The following TBX19 variants were observed in gnomAD, a reference collection of about 807,000 sequenced individuals.
The protein encoded by TBX19 is T-box transcription factor TBX19.
Under a neutral mutation model 40.9 loss-of-function variants are expected in TBX19, and 33 were observed. That is an observed-to-expected ratio of 0.81 (90% CI 0.61 to 1.08). The LOEUF is 1.08. Among genes scored for constraint, TBX19 ranks in the 50% least tolerant of loss-of-function variants. The pLI is 0.00. For missense variants in TBX19, 494 were observed against 574.0 expected, an observed-to-expected ratio of 0.86 and a Z score of 1.42; for synonymous variants, 220 against 225.0, an observed-to-expected ratio of 0.98 and a Z score of 0.20.
intron 1 of TBX19, among the ~76,000 whole-genome samples, chr1:168,282,884 A>G (rs943922919): frequency 1.3e-5 from 2 of 152,256 alleles, no homozygotes; most frequent in Non-Finnish European, 2.9e-5. Flanking sequence ...CCAAGTCAAT[A>G]TATGGTTCAT....
chr1:168,306,626 CAAAAA>C (rs56042823), intron 6 of TBX19, among the ~76,000 whole-genome samples: 1 of 75,292 alleles, frequency 1.3e-5, no homozygotes, highest in Non-Finnish European at 2.4e-5. Context: ...GACGCCATCT[CAAAAA>C]AAAAAAAAAA....
intron 5 of TBX19, among the ~76,000 whole-genome samples, chr1:168,301,528 C>G (rs569333397): frequency 6.6e-6 from 1 of 152,058 alleles, no homozygotes. Context: ...CCCAAAGTGC[C>G]GGGATTACAG....
chr1:168,289,691 C>T (rs1225503351), intron 1 of TBX19, among the ~76,000 whole-genome samples: 1 of 152,186 alleles, frequency 6.6e-6, no homozygotes, highest in African/African-American at 2.4e-5. Context: ...AGTGCTTATT[C>T]CCATGCCTGG....
intron 3 of TBX19, among the ~76,000 whole-genome samples, chr1:168,297,380 T>C (rs566238474): frequency 7.2e-5 from 11 of 152,314 alleles, no homozygotes; most frequent in Middle Eastern, 3.4e-3. Context: ...AATAAATACA[T>C]GAGTAAAAAA....
chr1:168,291,078 T>G, intron 1 of TBX19, 82 bp from the exon 2 acceptor site: 1 of 1,593,456 alleles, frequency 6.3e-7, no homozygotes, highest in Non-Finnish European at 8.6e-7. Flanking sequence ...CCGTGGAAGG[T>G]CTCAGTATTG....
chr1:168,285,261 TCACACACACACACACACACA>T (rs36217752), intron 1 of TBX19, among the ~76,000 whole-genome samples: 7 of 148,170 alleles, frequency 4.7e-5, no homozygotes, highest in East Asian at 2.0e-4. Flanking sequence ...ACCATGTATG[TCACACACACACACACACACA>T]CACACACACA....
intron 2 of TBX19, among the ~76,000 whole-genome samples, chr1:168,292,045 G>GT (rs1048666014): frequency 3.3e-5 from 5 of 152,272 alleles, no homozygotes; most frequent in Admixed American, 3.3e-4. Flanking sequence ...AAGGTTGCTA[G>GT]TTACTTTCTG....
At chr1:168,300,556 CTT>C (rs1330453851) in intron 5 of TBX19, 73 bp downstream of exon 5, 19 of 1,405,050 alleles carry the variant, frequency 1.4e-5, no homozygotes, top group Non-Finnish European at 1.8e-5. Context: ...CACTCAGACT[CTT>C]TGCCTGTCAG....
At chr1:168,307,373 A>G (rs1359752242) in intron 6 of TBX19, among the ~76,000 whole-genome samples, 1 of 152,140 alleles carries the variant, frequency 6.6e-6, no homozygotes, top group Non-Finnish European at 1.5e-5. Flanking sequence ...TGCGAAAGGC[A>G]TCACATGGAT....
At chr1:168,307,079 G>GA (rs1434802311) in intron 6 of TBX19, among the ~76,000 whole-genome samples, 1 of 152,140 alleles carries the variant, frequency 6.6e-6, no homozygotes, top group Non-Finnish European at 1.5e-5. Flanking sequence ...ACAGAAAGGG[G>GA]AAAGACCCTA....
chr1:168,290,074 ATCCCAGCTAC>A, intron 1 of TBX19, among the ~76,000 whole-genome samples: 1 of 152,218 alleles, frequency 6.6e-6, no homozygotes, highest in South Asian at 2.1e-4. Context: ...CACATCTGTA[ATCCCAGCTAC>A]TCTCCTGGAG....
chr1:168,295,164 G>A (rs1323272234), intron 3 of TBX19, among the ~76,000 whole-genome samples: 3 of 151,874 alleles, frequency 2.0e-5, no homozygotes, highest in Non-Finnish European at 2.9e-5. Context: ...AGTGGCGGGT[G>A]CCTGTAATCC....
chr1:168,307,034 G>A (rs1649420229), intron 6 of TBX19, among the ~76,000 whole-genome samples: 1 of 152,170 alleles, frequency 6.6e-6, no homozygotes, highest in Non-Finnish European at 1.5e-5. Context: ...GAGGTGCAGG[G>A]CATTCCAGGT....
At chr1:168,306,626 C>CAAAAAAAAA (rs56042823) in intron 6 of TBX19, among the ~76,000 whole-genome samples, 2 of 75,290 alleles carry the variant, frequency 2.7e-5, no homozygotes, top group African/African-American at 1.1e-4. Flanking sequence ...GACGCCATCT[C>CAAAAAAAAA]AAAAAAAAAA....
chr1:168,293,939 A>C (rs1458060744), intron 3 of TBX19, among the ~76,000 whole-genome samples: 1 of 152,154 alleles, frequency 6.6e-6, no homozygotes, highest in Non-Finnish European at 1.5e-5. Context: ...TTATTTATTT[A>C]AAAACACATA....
chr1:168,305,990 A>G (rs1039442912), intron 6 of TBX19, among the ~76,000 whole-genome samples: 34 of 152,246 alleles, frequency 2.2e-4, no homozygotes, highest in African/African-American at 4.8e-5. Context: ...CTATACTAAT[A>G]TGAAAAGATT....
chr1:168,303,946 G>A (rs935223572), intron 5 of TBX19, among the ~76,000 whole-genome samples: 4 of 152,084 alleles, frequency 2.6e-5, no homozygotes, highest in South Asian at 2.1e-4. Flanking sequence ...GGTTTTGGCC[G>A]GCTTATTTAC....
intron 3 of TBX19, among the ~76,000 whole-genome samples, chr1:168,297,334 A>G (rs937313814): frequency 6.6e-6 from 1 of 152,266 alleles, no homozygotes; most frequent in Non-Finnish European, 1.5e-5. Flanking sequence ...AGAAAAGTAA[A>G]TCACATGTAG....
intron 5 of TBX19, among the ~76,000 whole-genome samples, chr1:168,303,691 T>C (rs1373827297): frequency 6.6e-6 from 1 of 152,220 alleles, no homozygotes; most frequent in Non-Finnish European, 1.5e-5. Flanking sequence ...TTCTTGATTA[T>C]ATGCTATACA....
Sources: gnomAD v4.1 joint callset for allele counts (sites outside exome capture counted in the v4.1 genomes callset) on GRCh38, gnomAD v4.1.1 for gene constraint, MANE v1.5 for transcripts, NCBI Gene and HGNC (gene_info 2026-07-23, HGNC 2026-07-21) for gene names.